The following CSTPP1 variants were observed in gnomAD, a reference collection of about 807,000 sequenced individuals.
The protein encoded by CSTPP1 is UPF0705 protein C11orf49.
chr11:47,094,035 C>T, the CSTPP1 span, among the ~76,000 whole-genome samples: 1 of 152,014 alleles, frequency 6.6e-6, no homozygotes, highest in Admixed American at 6.6e-5. Context: ...TCTGTGTGGT[C>T]CCAGAAAACA....
the CSTPP1 span, among the ~76,000 whole-genome samples, chr11:46,956,286 G>A: frequency 1.4e-4 from 22 of 152,140 alleles, no homozygotes; most frequent in African/African-American, 3.6e-4. Context: ...TTTAAGAAGC[G>A]GGCCCCCCAA....
chr11:47,060,599 T>G, the CSTPP1 span, among the ~76,000 whole-genome samples: 1 of 152,078 alleles, frequency 6.6e-6, no homozygotes, highest in Admixed American at 6.6e-5. Context: ...AAGGGCTTTG[T>G]GTGCACTAAA....
At chr11:47,116,229 C>T in the CSTPP1 span, among the ~76,000 whole-genome samples, 3 of 152,260 alleles carry the variant, frequency 2.0e-5, no homozygotes, top group East Asian at 5.8e-4. Flanking sequence ...GAGTGCTTTA[C>T]TTCCAATTAT....
the CSTPP1 span, among the ~76,000 whole-genome samples, chr11:47,001,986 C>T: frequency 4.3e-3 from 654 of 152,202 alleles, 5 homozygotes; most frequent in Middle Eastern, 0.01. Context: ...TACTTATTTA[C>T]GTTAAATTGA....
At chr11:47,162,633 C>T in the CSTPP1 span, among the ~76,000 whole-genome samples, 3 of 152,162 alleles carry the variant, frequency 2.0e-5, no homozygotes, top group Non-Finnish European at 2.9e-5. Flanking sequence ...GCAGACACAT[C>T]CCAGCCAAGA....
chr11:47,130,959 G>A, the CSTPP1 span, among the ~76,000 whole-genome samples: 1 of 152,196 alleles, frequency 6.6e-6, no homozygotes, highest in Non-Finnish European at 1.5e-5. Context: ...TTGAGATCAT[G>A]CAGCCAACAA....
the CSTPP1 span, among the ~76,000 whole-genome samples, chr11:46,980,489 T>A: frequency 6.6e-6 from 1 of 152,218 alleles, no homozygotes; most frequent in East Asian, 1.9e-4. Flanking sequence ...AAAGTTCTGT[T>A]TGATACATGT....
At chr11:47,018,507 C>G in the CSTPP1 span, among the ~76,000 whole-genome samples, 1 of 151,940 alleles carries the variant, frequency 6.6e-6, no homozygotes, top group Non-Finnish European at 1.5e-5. Flanking sequence ...CTTGGCCAGG[C>G]TGGTCTTGAA....
the CSTPP1 span, among the ~76,000 whole-genome samples, chr11:46,937,382 A>G: frequency 1.3e-5 from 2 of 152,120 alleles, no homozygotes; most frequent in Non-Finnish European, 2.9e-5. Context: ...AGAAAATGGT[A>G]GCGCTAGGAT....
the CSTPP1 span, among the ~76,000 whole-genome samples, chr11:47,049,696 T>G: frequency 6.6e-6 from 1 of 151,780 alleles, no homozygotes; most frequent in Non-Finnish European, 1.5e-5. Context: ...GGTCTCACCA[T>G]ATTGCCCAGG....
the CSTPP1 span, among the ~76,000 whole-genome samples, chr11:47,080,974 A>G: frequency 6.7e-6 from 1 of 150,202 alleles, no homozygotes; most frequent in African/African-American, 2.5e-5. Flanking sequence ...AGACCACTGC[A>G]CTCCAGCCTG....
chr11:46,941,865 C>G, the CSTPP1 span, among the ~76,000 whole-genome samples: 1 of 152,184 alleles, frequency 6.6e-6, no homozygotes, highest in African/African-American at 2.4e-5. Context: ...AACCCAAAAG[C>G]TAAAGTTGAG....
chr11:46,997,779 A>G, the CSTPP1 span, among the ~76,000 whole-genome samples: 1 of 152,324 alleles, frequency 6.6e-6, no homozygotes, highest in East Asian at 1.9e-4. Flanking sequence ...TCCTTCTAAC[A>G]GACAGGACCC....
At chr11:47,024,614 A>G in the CSTPP1 span, among the ~76,000 whole-genome samples, 3 of 152,290 alleles carry the variant, frequency 2.0e-5, no homozygotes, top group African/African-American at 7.2e-5. Flanking sequence ...ATAAACCAAT[A>G]CTAAGAAGGT....
At chr11:47,142,339 C>A in the CSTPP1 span, among the ~76,000 whole-genome samples, 1 of 151,826 alleles carries the variant, frequency 6.6e-6, no homozygotes, top group Non-Finnish European at 1.5e-5. Flanking sequence ...ATGGCAAAGA[C>A]TGCAATTACT....
At chr11:47,070,854 C>T in the CSTPP1 span, among the ~76,000 whole-genome samples, 1 of 152,180 alleles carries the variant, frequency 6.6e-6, no homozygotes, top group Non-Finnish European at 1.5e-5. Flanking sequence ...CATAAGGCTA[C>T]TCATGACCCA....
chr11:47,133,501 G>C, the CSTPP1 span, among the ~76,000 whole-genome samples: 1 of 152,234 alleles, frequency 6.6e-6, no homozygotes, highest in African/African-American at 2.4e-5. Context: ...GTGGGGATGA[G>C]AGACCACGGT....
chr11:47,161,416 CTG>C, the CSTPP1 span: 1 of 1,608,812 alleles, frequency 6.2e-7, no homozygotes, highest in South Asian at 1.1e-5. Flanking sequence ...GCCCTGCTCT[CTG>C]TACAGGAGGC....
At chr11:47,131,430 C>T in the CSTPP1 span, among the ~76,000 whole-genome samples, 3 of 152,358 alleles carry the variant, frequency 2.0e-5, 1 homozygote, top group Admixed American at 2.0e-4. Flanking sequence ...GTCAAAAAGA[C>T]ATCCTTTTCC....
Sources: allele counts gnomAD v4.1 joint callset (sites outside exome capture counted in the v4.1 genomes callset), GRCh38; gene constraint gnomAD v4.1.1; transcripts MANE v1.5; gene names NCBI Gene and HGNC (gene_info 2026-07-23, HGNC 2026-07-21).